MIEF1: variants seen among roughly 807,000 people sequenced by gnomAD.
MIEF1 encodes the protein mitochondrial dynamics protein MIEF1.
Under a neutral mutation model 35.1 loss-of-function variants are expected in MIEF1, and 14 were observed. The ratio of observed to expected loss-of-function variants is 0.40; its 90% confidence interval spans 0.26 to 0.62. MIEF1 has a LOEUF of 0.62. Ranked by LOEUF, MIEF1 falls within the 20% of genes least tolerant of loss-of-function variation. The pLI is 0.43. For synonymous variants in MIEF1, 245 were observed against 254.3 expected (o/e 0.96, Z 0.35); for missense variants, 542 against 615.4 (o/e 0.88, Z 1.26).
In MIEF1 at chr22:39,504,209, A is replaced by T. The variant is rs781779277; in HGVS notation, c.-333A>T. 6 of 399,064 alleles carry T rather than the reference A, an allele frequency of 1.5e-5. No homozygotes were observed. The highest frequency in any genetic ancestry group is 8.8e-5 in the Admixed American group (2 of 22,702). The allele number at this position is 399,064 out of a possible 1,614,324, so 24.7% of individuals were successfully genotyped here. A position where few individuals can be genotyped will look rare whatever the true frequency, so the allele number is the denominator to read the frequency against. ...TCTTTCCTTCTGTTTATAGTGTGAC[A>T]CCCAGCCCCTGCCAGTCCCCCATGG... On this transcript the variant is annotated 5_prime_UTR_variant, in exon 2 of 6. Coordinates refer to ENST00000325301, the MANE Select transcript of MIEF1 (RefSeq NM_019008.6).
At chr22:39,512,062 G>T in intron 4 of MIEF1, 36 bp downstream of exon 4, 1 of 1,597,138 alleles carries the variant, frequency 6.3e-7, no homozygotes. Context: ...GGACCTCTCT[G>T]GACTTTCAGT....
chr22:39,510,551 A>G (rs770171182), intron 2 of MIEF1, among the ~76,000 whole-genome samples: 27 of 152,204 alleles, frequency 1.8e-4, no homozygotes, highest in Non-Finnish European at 3.2e-4. Context: ...GATTATAGGC[A>G]TGAGCCACTG....
chr22:39,507,264 A>G (rs528741593), intron 2 of MIEF1, among the ~76,000 whole-genome samples: 1 of 152,004 alleles, frequency 6.6e-6, no homozygotes, highest in Admixed American at 6.5e-5. Flanking sequence ...TTTTTTCTTG[A>G]GATGGAGTCT....
chr22:39,507,333 C>T (rs1056682299), intron 2 of MIEF1, among the ~76,000 whole-genome samples: 10 of 152,008 alleles, frequency 6.6e-5, no homozygotes, highest in African/African-American at 2.4e-4. Flanking sequence ...GCAACCTCTG[C>T]CTCCCGACTT....
At chr22:39,510,852 T>G (rs565545607) in intron 2 of MIEF1, among the ~76,000 whole-genome samples, 3 of 149,624 alleles carry the variant, frequency 2.0e-5, no homozygotes, top group Non-Finnish European at 2.9e-5. Context: ...GAGACCTGCT[T>G]TATAACCCCT....
chr22:39,512,142 C>T (rs1225654029), intron 4 of MIEF1, 90 bp from the exon 5 acceptor site: 20 of 1,559,018 alleles, frequency 1.3e-5, no homozygotes, highest in Non-Finnish European at 1.7e-5. Context: ...ACTTGCCCTC[C>T]ATGCCAGGCC....
At position 39,513,958 on chromosome 22, in the gene MIEF1, C is replaced by T. The variant is rs201517293; in HGVS notation, c.1027C>T (p.Pro343Ser). The T allele has an allele frequency of 1.2e-5, 20 of 1,613,236 alleles. No individual in the cohort carries two copies. The highest frequency in any genetic ancestry group is 1.6e-5 in the Non-Finnish European group (19 of 1,180,024). Residue 343 changes from proline to serine, a missense_variant, in exon 6 of 6, where the codon CCC becomes TCC. Physicochemically the swap from Pro to Ser is moderately conservative, Grantham distance 74 (BLOSUM62 -1). Coordinates refer to ENST00000325301, the MANE Select transcript of MIEF1 (RefSeq NM_019008.6). Reference sequence around the variant, plus strand: ...CAACCTGTGGCGGCTGAGCCTGCGTCCCGCGGAGACGGCACGCCTGCGGGC... The same window carrying T: ...CAACCTGTGGCGGCTGAGCCTGCGTTCCGCGGAGACGGCACGCCTGCGGGC... ...YDNLWRLSLR[P>S]AETARLRALD...
rs967379505 is a variant in MIEF1 at position 39,517,672 on chromosome 22, C to A, written c.*3349C>A. On this transcript the variant is annotated 3_prime_UTR_variant, in exon 6 of 6. Transcript: ENST00000325301. ...TCAGAGGATTTGTTAGAACTCTGCC[C>A]TTTTGTCTGAAACTCAAGGCCAAGG... is the stretch of plus-strand genomic sequence containing the variant. 1.1e-5 allele frequency: 5 copies of A among 468,990 alleles called. No individual in the cohort carries two copies. Among genetic ancestry groups the A allele is most frequent in the Non-Finnish European group, 2.2e-5 (5 of 225,836 alleles). The allele number at this position is 468,990 out of a possible 1,614,324, so 29.1% of individuals were successfully genotyped here. A position where few individuals can be genotyped will look rare whatever the true frequency, so the allele number is the denominator to read the frequency against.
At chr22:39,502,599 G>T (rs1022588829) in intron 1 of MIEF1, among the ~76,000 whole-genome samples, 162 bp downstream of exon 1, 1 of 152,200 alleles carries the variant, frequency 6.6e-6, no homozygotes, top group Non-Finnish European at 1.5e-5. Context: ...TCCCCTGGGA[G>T]ACCCCTCGGC....
chr22:39,502,438 G>C lies in MIEF1; in HGVS notation c.-340+1G>C, dbSNP rs1364294386. On this transcript the variant is annotated splice_donor_variant, in intron 1 of 5. Coordinates refer to ENST00000325301, the MANE Select transcript of MIEF1 (RefSeq NM_019008.6). LOFTEE classifies it low-confidence loss of function (5UTR_SPLICE). Reference sequence around the variant, plus strand: ...GAGTGGTAGCGCGCACGGCCTGCGGGTGAGTGAGAGAAGGAATGAGGGCCG... The same window carrying C: ...GAGTGGTAGCGCGCACGGCCTGCGGCTGAGTGAGAGAAGGAATGAGGGCCG... 6.6e-6 allele frequency: 1 copy of C among 152,336 alleles called. No individual in the cohort carries two copies. The highest frequency in any genetic ancestry group is 1.5e-5 in the Non-Finnish European group (1 of 68,114). 9.4% of individuals were successfully genotyped at this position (152,336 alleles called of 1,614,324 possible).
In MIEF1 at chr22:39,513,570, C is replaced by T. The variant is rs757786808; in HGVS notation, c.639C>T (p.Asn213=). The change falls in exon 6 of 6, where the codon AAC becomes AAT. Residue 213 remains asparagine, a synonymous_variant. Coordinates refer to ENST00000325301, the MANE Select transcript of MIEF1 (RefSeq NM_019008.6). ...QLIVPLVLEQ[N]LWSCIPGEDT... Reference sequence around the variant, plus strand: ...TTGTGCCCCTTGTGCTGGAGCAGAACCTGTGGTCATGTATTCCTGGTGAAG... The same window carrying T: ...TTGTGCCCCTTGTGCTGGAGCAGAATCTGTGGTCATGTATTCCTGGTGAAG... 1 of 1,614,200 alleles carries T rather than the reference C, an allele frequency of 6.2e-7. No homozygotes were observed. Among genetic ancestry groups the T allele is most frequent in the Non-Finnish European group, 8.5e-7 (1 of 1,180,034 alleles).
In MIEF1 at chr22:39,512,503, G is replaced by T. The variant is rs1269755694; in HGVS notation, c.585+9G>T. ...TCTACGATGACCTGCAGGTAACAAG[G>T]TGGTTCTCATGGTGGGTGGGGTTTG... On this transcript the variant is annotated intron_variant, in intron 5 of 5. Coordinates refer to ENST00000325301, the MANE Select transcript of MIEF1 (RefSeq NM_019008.6). 6.2e-7 allele frequency: 1 copy of T among 1,602,678 alleles called. No individual in the cohort carries two copies. Among genetic ancestry groups the T allele is most frequent in the South Asian group, 1.1e-5 (1 of 89,948 alleles).
At chr22:39,506,503 A>T (rs917019080) in intron 2 of MIEF1, among the ~76,000 whole-genome samples, 6 of 152,070 alleles carry the variant, frequency 3.9e-5, no homozygotes, top group African/African-American at 1.4e-4. Context: ...ATCTCATGGG[A>T]TTGTTGTTGT....
chr22:39,500,109 AAAAC>A (rs376391712), upstream of MIEF1: 74 of 152,256 alleles, frequency 4.9e-4, no homozygotes, highest in South Asian at 1.7e-3. Flanking sequence ...ACTCCATCTC[AAAAC>A]AAACAAACAA....
chr22:39,515,144 A>G lies in MIEF1; in HGVS notation c.*821A>G. 1.5e-6 allele frequency: 1 copy of G among 645,470 alleles called. No homozygotes were observed. Among genetic ancestry groups the G allele is most frequent in the Non-Finnish European group, 2.9e-6 (1 of 349,540 alleles). 40.0% of individuals were successfully genotyped at this position (645,470 alleles called of 1,614,324 possible). A position where few individuals can be genotyped will look rare whatever the true frequency, so the allele number is the denominator to read the frequency against. On this transcript the variant is annotated 3_prime_UTR_variant, in exon 6 of 6. Coordinates refer to ENST00000325301, the MANE Select transcript of MIEF1 (RefSeq NM_019008.6). ...CTCGTCATCTGTGGCTGCAGGGGTC[A>G]GACAGACAAGGATGGGGACTGCCAG... is the stretch of plus-strand genomic sequence containing the variant.
At chr22:39,504,787 G>T (rs181797882) in intron 2 of MIEF1, 9 of 179,970 alleles carry the variant, frequency 5.0e-5, no homozygotes, top group East Asian at 1.4e-4. Context: ...TCTCTGGGGT[G>T]GGGGGGAAAA....
At chr22:39,510,661 TC>T (rs1254361092) in intron 2 of MIEF1, among the ~76,000 whole-genome samples, 1 of 152,164 alleles carries the variant, frequency 6.6e-6, no homozygotes, top group East Asian at 1.9e-4. Flanking sequence ...AGCTCCAAGG[TC>T]CCGCTCAGAT....
At chr22:39,513,144 A>G (rs1187097958) in intron 5 of MIEF1, among the ~76,000 whole-genome samples, 1 of 145,346 alleles carries the variant, frequency 6.9e-6, no homozygotes, top group Non-Finnish European at 1.5e-5. Context: ...TCTGTTGCCC[A>G]GGCTGGAGTG....
At chr22:39,507,929 C>T (rs78854338) in intron 2 of MIEF1, among the ~76,000 whole-genome samples, 2,487 of 152,196 alleles carry the variant, frequency 0.016, 71 homozygotes, top group African/African-American at 0.057. Flanking sequence ...TTTTCAAGGC[C>T]GTTTTAGAGC....
Sources: allele counts gnomAD v4.1 joint callset (sites outside exome capture counted in the v4.1 genomes callset), GRCh38; gene constraint gnomAD v4.1.1; transcripts MANE v1.5; gene names NCBI Gene and HGNC (gene_info 2026-07-23, HGNC 2026-07-21).